The following RMST variants were observed in gnomAD, a reference collection of about 807,000 sequenced individuals.
RMST encodes the protein rhabdomyosarcoma 2 associated transcript.
intron 5 of RMST, among the ~76,000 whole-genome samples, chr12:97,472,675 C>T (rs1874066970): frequency 6.6e-6 from 1 of 152,052 alleles, no homozygotes; most frequent in South Asian, 2.1e-4. Flanking sequence ...GTACATATGA[C>T]AAAGAATTTC....
At chr12:97,486,066 C>A (rs1262439008) in intron 5 of RMST, among the ~76,000 whole-genome samples, 1 of 152,160 alleles carries the variant, frequency 6.6e-6, no homozygotes, top group South Asian at 2.1e-4. Context: ...ACAATACTAG[C>A]AAGACCATGA....
At chr12:97,553,402 G>T (rs1014019677) in intron 11 of RMST, among the ~76,000 whole-genome samples, 1 of 152,150 alleles carries the variant, frequency 6.6e-6, no homozygotes, top group Admixed American at 6.5e-5. Flanking sequence ...TTAGCCTCCA[G>T]AATTTGTGTG....
chr12:97,505,129 T>C (rs1460608039), intron 10 of RMST, among the ~76,000 whole-genome samples: 1 of 152,216 alleles, frequency 6.6e-6, no homozygotes, highest in Non-Finnish European at 1.5e-5. Context: ...AAATTTAGTG[T>C]CTGACATGCA....
intron 11 of RMST, among the ~76,000 whole-genome samples, chr12:97,557,740 T>C (rs1203772388): frequency 6.6e-6 from 1 of 152,110 alleles, no homozygotes; most frequent in Non-Finnish European, 1.5e-5. Context: ...TGGGTGTGCT[T>C]AGAGTTTGGA....
chr12:97,509,976 T>C (rs1879108270), intron 10 of RMST, among the ~76,000 whole-genome samples: 1 of 152,148 alleles, frequency 6.6e-6, no homozygotes, highest in Admixed American at 6.5e-5. Context: ...TTGCCTTATT[T>C]CCTCAAATCT....
chr12:97,504,003 G>A (rs1878387609), intron 10 of RMST, among the ~76,000 whole-genome samples: 2 of 152,116 alleles, frequency 1.3e-5, no homozygotes, highest in Admixed American at 1.3e-4. Context: ...TCAACTCAGT[G>A]CAACCTCTGC....
chr12:97,517,921 C>A (rs1343160911), intron 10 of RMST, among the ~76,000 whole-genome samples: 1 of 152,000 alleles, frequency 6.6e-6, no homozygotes, highest in Non-Finnish European at 1.5e-5. Context: ...GTTTCAACTC[C>A]CATAAATAAG....
chr12:97,520,088 T>C (rs1203988658), intron 10 of RMST, among the ~76,000 whole-genome samples: 1 of 152,184 alleles, frequency 6.6e-6, no homozygotes, highest in Non-Finnish European at 1.5e-5. Flanking sequence ...TGGAGGTGAT[T>C]TATTAATTTA....
At chr12:97,471,243 AC>A (rs1405012792) in intron 5 of RMST, among the ~76,000 whole-genome samples, 1 of 152,102 alleles carries the variant, frequency 6.6e-6, no homozygotes, top group African/African-American at 2.4e-5. Flanking sequence ...AGGAGGTATT[AC>A]TTTTGCATAA....
intron 5 of RMST, among the ~76,000 whole-genome samples, chr12:97,479,157 T>TTTG (rs71078487): frequency 7.2e-6 from 1 of 138,186 alleles, no homozygotes; most frequent in African/African-American, 2.7e-5. Context: ...TTTTTTTTTT[T>TTTG]GAGACAAGGT....
chr12:97,481,698 C>T lies in RMST; in HGVS notation n.645-10763C>T, dbSNP rs537091332. The stretch of plus-strand genomic sequence containing the variant: ...AAATTGCAGCATCTTTGGCAGTAGT[C>T]TTCATTGTTCCATCCGTGCAAGTGT... On this transcript the variant is annotated intron_variant and non_coding_transcript_variant, in intron 5 of 13. Coordinates refer to ENST00000640149, the Ensembl canonical transcript of RMST. Among the ~76,000 whole-genome samples, 5 of 152,258 alleles carry T rather than the reference C, an allele frequency of 3.3e-5. No individual in the cohort carries two copies. The East Asian group carries it at 5.8e-4, about 18-fold the overall frequency.
chr12:97,563,657 G>C, intron 13 of RMST: 2 of 398,732 alleles, frequency 5.0e-6, no homozygotes, highest in Non-Finnish European at 9.8e-6. Context: ...TGTCGTGGAA[G>C]GATAAAATCT....
chr12:97,501,905 A>G (rs1467770665), intron 10 of RMST, among the ~76,000 whole-genome samples: 1 of 152,158 alleles, frequency 6.6e-6, no homozygotes. Flanking sequence ...GACAAAACTT[A>G]GTTTATCTTG....
intron 9 of RMST, chr12:97,495,854 G>T (rs1259374733): frequency 6.6e-6 from 1 of 152,100 alleles, no homozygotes; most frequent in Non-Finnish European, 1.5e-5. Context: ...TTCTTGACTT[G>T]CTTTGTTGTC....
At chr12:97,472,014 G>A (rs1873976182) in intron 5 of RMST, among the ~76,000 whole-genome samples, 1 of 152,024 alleles carries the variant, frequency 6.6e-6, no homozygotes, top group African/African-American at 2.4e-5. Flanking sequence ...GCTCACTTTG[G>A]TCAAAAGATT....
chr12:97,547,586 A>G (rs1883031784), intron 11 of RMST, among the ~76,000 whole-genome samples: 1 of 152,100 alleles, frequency 6.6e-6, no homozygotes, highest in Non-Finnish European at 1.5e-5. Flanking sequence ...AATAGCCACT[A>G]TAACAAGTTG....
intron 5 of RMST, among the ~76,000 whole-genome samples, chr12:97,490,995 G>T (rs572314406): frequency 7.9e-4 from 120 of 152,304 alleles, no homozygotes; most frequent in African/African-American, 2.8e-3. Context: ...GGGAAAATGG[G>T]TTTGAGTTTG....
chr12:97,554,422 T>C (rs1026070756), intron 11 of RMST, among the ~76,000 whole-genome samples: 3 of 152,184 alleles, frequency 2.0e-5, no homozygotes, highest in Admixed American at 2.0e-4. Context: ...CAGATACTTT[T>C]CTGCCAATAA....
chr12:97,549,456 C>T (rs556296136), intron 11 of RMST, among the ~76,000 whole-genome samples: 2 of 152,142 alleles, frequency 1.3e-5, no homozygotes, highest in African/African-American at 4.8e-5. Context: ...AAAATTAGCC[C>T]GAAAGGGCAA....
Sources: gnomAD v4.1 joint callset for allele counts (sites outside exome capture counted in the v4.1 genomes callset) on GRCh38, gnomAD v4.1.1 for gene constraint, MANE v1.5 for transcripts, NCBI Gene and HGNC (gene_info 2026-07-23, HGNC 2026-07-21) for gene names.